The following ARHGAP32 variants were observed in gnomAD, a reference collection of about 807,000 sequenced individuals.
The protein encoded by ARHGAP32 is rho GTPase-activating protein 32.
Under a neutral mutation model 186.5 loss-of-function variants are expected in ARHGAP32, and 51 were observed. The observed-to-expected ratio is 0.27, with a 90% CI of 0.22 to 0.35. ARHGAP32 has a LOEUF of 0.35. Among genes scored for constraint, ARHGAP32 ranks in the 10% least tolerant of loss-of-function variants. The pLI, the probability that ARHGAP32 is intolerant of heterozygous loss-of-function variation, is 1.00. For synonymous variants in ARHGAP32, 950 were observed against 964.3 expected (o/e 0.99, Z 0.27); for missense variants, 2,186 against 2,623.5 (o/e 0.83, Z 3.64).
intron 5 of ARHGAP32, among the ~76,000 whole-genome samples, chr11:129,105,570 C>T (rs1221522349): frequency 6.6e-6 from 1 of 151,946 alleles, no homozygotes; most frequent in African/African-American, 2.4e-5. Context: ...TTACTAAATA[C>T]ATATGACAAG....
chr11:129,053,684 G>C (rs1201585142), intron 10 of ARHGAP32, among the ~76,000 whole-genome samples: 2 of 152,038 alleles, frequency 1.3e-5, no homozygotes, highest in Non-Finnish European at 2.9e-5. Flanking sequence ...ATGGAGTTGT[G>C]GAATTAAAAG....
At chr11:129,082,418 C>T (rs1393381556) in intron 6 of ARHGAP32, among the ~76,000 whole-genome samples, 4 of 151,948 alleles carry the variant, frequency 2.6e-5, no homozygotes, top group Non-Finnish European at 4.4e-5. Flanking sequence ...CACAGACCAA[C>T]GGAACAACAG....
intron 1 of ARHGAP32, among the ~76,000 whole-genome samples, chr11:129,221,065 C>G (rs1003814913): frequency 3.3e-5 from 5 of 151,340 alleles, no homozygotes; most frequent in African/African-American, 1.2e-4. Flanking sequence ...GCTATATATT[C>G]TAACTAGGAA....
At position 128,968,697 on chromosome 11, in the gene ARHGAP32, T is replaced by C; in HGVS notation, c.*210A>G. On this transcript the variant is annotated 3_prime_UTR_variant, in exon 23 of 23. Coordinates refer to ENST00000682385, the MANE Select transcript of ARHGAP32 (RefSeq NM_001378024.1). ...GCTTTACCATCCTTCAGATCTTTTC[T>C]AAAGACAAAAATGACAAAGTCTATA... The C allele has an allele frequency of 2.4e-6, 1 of 420,106 alleles. No individual in the cohort carries two copies. The highest frequency in any genetic ancestry group is 4.0e-6 in the Non-Finnish European group (1 of 250,948). The allele number at this position is 420,106 out of a possible 1,614,324, so 26.0% of individuals were successfully genotyped here.
chr11:129,109,589 A>AT (rs1942147799), intron 5 of ARHGAP32, among the ~76,000 whole-genome samples: 2 of 151,914 alleles, frequency 1.3e-5, no homozygotes, highest in Admixed American at 1.3e-4. Context: ...GGCATCTATT[A>AT]TTTTTTGTAT....
intron 1 of ARHGAP32, among the ~76,000 whole-genome samples, chr11:129,259,918 A>G (rs765328575): frequency 8.5e-5 from 13 of 152,168 alleles, no homozygotes; most frequent in Non-Finnish European, 1.8e-4. Flanking sequence ...GGGTCATTCA[A>G]CAATTCTGTA....
At chr11:129,049,365 A>G (rs758176618) in intron 10 of ARHGAP32, among the ~76,000 whole-genome samples, 1 of 152,214 alleles carries the variant, frequency 6.6e-6, no homozygotes, top group Non-Finnish European at 1.5e-5. Flanking sequence ...ATGCTCCTGC[A>G]GTTTTTGCTT....
intron 6 of ARHGAP32, among the ~76,000 whole-genome samples, chr11:129,093,023 T>G (rs912248545): frequency 6.6e-6 from 1 of 152,022 alleles, no homozygotes; most frequent in Non-Finnish European, 1.5e-5. Context: ...GAACAAGTCA[T>G]GGTCATTACC....
intron 11 of ARHGAP32, among the ~76,000 whole-genome samples, chr11:128,999,058 A>C (rs1341131798): frequency 6.6e-6 from 1 of 152,222 alleles, no homozygotes. Flanking sequence ...GGAACAAGGG[A>C]GATAACCATA....
chr11:129,085,274 A>G (rs1310562527), intron 6 of ARHGAP32, among the ~76,000 whole-genome samples: 1 of 151,988 alleles, frequency 6.6e-6, no homozygotes, highest in Non-Finnish European at 1.5e-5. Context: ...CATTCCTCCT[A>G]CTAATCCTTC....
rs992253394 is a variant in ARHGAP32 at position 129,192,308 on chromosome 11, C to T, written c.-110G>A. 4.0e-5 allele frequency: 30 copies of T among 746,260 alleles called. No homozygotes were observed. Among genetic ancestry groups the T allele is most frequent in the African/African-American group, 2.4e-4 (14 of 57,590 alleles). The allele number at this position is 746,260 out of a possible 1,614,324, so 46.2% of individuals were successfully genotyped here. On this transcript the variant is annotated 5_prime_UTR_variant, in exon 1 of 23. Transcript: ENST00000682385. ...TATACTCAGATGTGTGTCTGGTGCC[C>T]TAGTGACAGGTACTGGTGCTGGTTT...
At chr11:129,173,299 G>A in intron 1 of ARHGAP32, among the ~76,000 whole-genome samples, 1 of 146,724 alleles carries the variant, frequency 6.8e-6, no homozygotes, top group Admixed American at 6.8e-5. Context: ...AACAAGTTCT[G>A]AAATTGAGGC....
At chr11:129,207,535 T>G (rs994337356) in intron 1 of ARHGAP32, among the ~76,000 whole-genome samples, 2 of 152,216 alleles carry the variant, frequency 1.3e-5, no homozygotes, top group African/African-American at 4.8e-5. Context: ...CATAAATGTC[T>G]TCTTTTGAAA....
rs550410181 is a variant in ARHGAP32, at chr11:129,127,073, G to A, written c.226-2179C>T. On this transcript the variant is annotated intron_variant, in intron 2 of 22. Transcript: ENST00000682385. ...GACTTTATTTGGTAGACTGGAAATTGAAACGTTAGCTTTCTTTTGAAAACA... is the reference window on the plus strand; with the variant it reads ...GACTTTATTTGGTAGACTGGAAATTAAAACGTTAGCTTTCTTTTGAAAACA... Among the ~76,000 whole-genome samples the A allele has an allele frequency of 2.6e-5, 4 of 152,304 alleles. No homozygotes were observed. In the South Asian group the frequency reaches 8.3e-4, roughly 32 times the overall value.
At chr11:129,143,933 G>A (rs1266064072) in intron 2 of ARHGAP32, among the ~76,000 whole-genome samples, 1 of 152,146 alleles carries the variant, frequency 6.6e-6, no homozygotes, top group Non-Finnish European at 1.5e-5. Context: ...ACTATCTGCA[G>A]TTTCAGGCAT....
chr11:129,080,233 A>C (rs1941181852), intron 6 of ARHGAP32, among the ~76,000 whole-genome samples: 1 of 152,152 alleles, frequency 6.6e-6, no homozygotes, highest in African/African-American at 2.4e-5. Flanking sequence ...GACTTAAACT[A>C]TACCCTAGAA....
intron 1 of ARHGAP32, among the ~76,000 whole-genome samples, chr11:129,167,865 AC>A (rs1457588817): frequency 6.6e-6 from 1 of 152,248 alleles, no homozygotes; most frequent in Non-Finnish European, 1.5e-5. Context: ...AAAGTGAATC[AC>A]ATGGCATGTG....
At chr11:129,246,676 A>G (rs1242776181) in intron 1 of ARHGAP32, among the ~76,000 whole-genome samples, 4 of 152,216 alleles carry the variant, frequency 2.6e-5, no homozygotes, top group Non-Finnish European at 4.4e-5. Flanking sequence ...TTTTGACTAT[A>G]GGTCACTAGT....
At chr11:129,225,427 G>A (rs1312508642) in intron 1 of ARHGAP32, among the ~76,000 whole-genome samples, 3 of 152,068 alleles carry the variant, frequency 2.0e-5, no homozygotes, top group Non-Finnish European at 2.9e-5. Context: ...TTAAAGGAGT[G>A]TACCAACACA....
Sources: allele counts gnomAD v4.1 joint callset (sites outside exome capture counted in the v4.1 genomes callset), GRCh38; gene constraint gnomAD v4.1.1; transcripts MANE v1.5; gene names NCBI Gene and HGNC (gene_info 2026-07-23, HGNC 2026-07-21).